The following CTNNA3 variants were observed in gnomAD, a reference collection of about 807,000 sequenced individuals.
The protein encoded by CTNNA3 is catenin alpha-3.
In CTNNA3, 76 loss-of-function variants were observed where a neutral mutation model predicts 95.7. The ratio of observed to expected loss-of-function variants is 0.79; its 90% CI spans 0.66 to 0.96. The LOEUF (loss-of-function observed/expected upper bound fraction) is 0.96, where lower values mean the gene tolerates loss of function less well. Ranked by LOEUF, CTNNA3 falls within the 40% of genes least tolerant of loss-of-function variation. The probability of loss-of-function intolerance (pLI) is 0.00; values close to 1 mark genes in which losing one functional copy is unlikely to be tolerated. For missense variants in CTNNA3, 1,191 were observed against 1,089.8 expected (o/e 1.09, Z -1.31); for synonymous variants, 431 against 374.4 (o/e 1.15, Z -1.74).
chr10:67,370,898 G>C (rs914680163), intron 5 of CTNNA3, among the ~76,000 whole-genome samples: 7 of 143,232 alleles, frequency 4.9e-5, no homozygotes, highest in African/African-American at 1.8e-4. Context: ...ACAGAGTCTC[G>C]CTCTGTCGCC....
At chr10:67,023,064 T>G (rs1853131448) in intron 7 of CTNNA3, among the ~76,000 whole-genome samples, 1 of 152,204 alleles carries the variant, frequency 6.6e-6, no homozygotes, top group Admixed American at 6.5e-5. Context: ...CTAATGTCAC[T>G]TTTCCCCAGT....
At chr10:65,981,454 A>G (rs1448593913) in intron 16 of CTNNA3, among the ~76,000 whole-genome samples, 1 of 152,020 alleles carries the variant, frequency 6.6e-6, no homozygotes, top group Non-Finnish European at 1.5e-5. Flanking sequence ...TGCAATTCCC[A>G]TCAAAATGCC....
At chr10:65,951,338 C>T (rs533488974) in intron 17 of CTNNA3, among the ~76,000 whole-genome samples, 1 of 152,090 alleles carries the variant, frequency 6.6e-6, no homozygotes, top group Non-Finnish European at 1.5e-5. Flanking sequence ...TCATCCCAAA[C>T]TTGATAGATG....
intron 9 of CTNNA3, among the ~76,000 whole-genome samples, 183 bp from the exon 10 acceptor site, chr10:66,621,967 T>C (rs569550507): frequency 6.6e-6 from 1 of 152,176 alleles, no homozygotes; most frequent in East Asian, 1.9e-4. Context: ...CAAATAACAA[T>C]AAAAGGACCT....
chr10:66,581,291 A>G (rs577657103), intron 10 of CTNNA3, among the ~76,000 whole-genome samples: 1 of 151,706 alleles, frequency 6.6e-6, no homozygotes, highest in Non-Finnish European at 1.5e-5. Flanking sequence ...CAAATGGTAG[A>G]TCTACTTTTA....
intron 11 of CTNNA3, among the ~76,000 whole-genome samples, chr10:66,413,043 A>C (rs536821192): frequency 2.0e-5 from 3 of 152,348 alleles, no homozygotes; most frequent in Admixed American, 2.0e-4. Flanking sequence ...GGAAATGCTA[A>C]TAATTCAGAG....
chr10:66,117,237 A>G (rs551607200), intron 13 of CTNNA3, among the ~76,000 whole-genome samples: 2 of 152,264 alleles, frequency 1.3e-5, no homozygotes, highest in South Asian at 2.1e-4. Context: ...TAAATTGTAT[A>G]TTTTAAATGT....
intron 7 of CTNNA3, among the ~76,000 whole-genome samples, chr10:67,088,503 T>C (rs907413969): frequency 1.3e-5 from 2 of 151,938 alleles, no homozygotes; most frequent in African/African-American, 2.4e-5. Context: ...GTGCCTGCAT[T>C]ACATAAGACT....
chr10:67,066,224 G>A (rs865904782), intron 7 of CTNNA3, among the ~76,000 whole-genome samples: 3 of 118,516 alleles, frequency 2.5e-5, no homozygotes, highest in South Asian at 2.7e-4. Context: ...AGACAGTCTT[G>A]CTCCATCGCC....
intron 11 of CTNNA3, among the ~76,000 whole-genome samples, chr10:66,414,030 C>G (rs1402377553): frequency 6.6e-6 from 1 of 152,152 alleles, no homozygotes; most frequent in African/African-American, 2.4e-5. Flanking sequence ...ACAGATATAT[C>G]TTTTAAGAGA....
intron 7 of CTNNA3, among the ~76,000 whole-genome samples, chr10:66,870,521 A>G (rs1844354461): frequency 6.6e-6 from 1 of 152,200 alleles, no homozygotes; most frequent in Non-Finnish European, 1.5e-5. Context: ...CTTATTAACT[A>G]TTCAGTCAAA....
intron 11 of CTNNA3, among the ~76,000 whole-genome samples, chr10:66,442,509 T>A (rs1475169493): frequency 1.3e-5 from 2 of 152,196 alleles, no homozygotes; most frequent in African/African-American, 2.4e-5. Flanking sequence ...GAATTCTATG[T>A]TAATAGATTA....
At chr10:67,111,582 T>TA (rs1214371315) in intron 7 of CTNNA3, among the ~76,000 whole-genome samples, 1 of 152,034 alleles carries the variant, frequency 6.6e-6, no homozygotes, top group Admixed American at 6.5e-5. Context: ...GGACAATTGC[T>TA]AAAAAAATTA....
chr10:67,089,436 G>T (rs1429162725), intron 7 of CTNNA3, among the ~76,000 whole-genome samples: 1 of 151,946 alleles, frequency 6.6e-6, no homozygotes, highest in African/African-American at 2.4e-5. Context: ...ACAGCCTGTT[G>T]TACTCACACC....
intron 9 of CTNNA3, among the ~76,000 whole-genome samples, chr10:66,629,631 T>C (rs2132339801): frequency 6.6e-6 from 1 of 152,246 alleles, no homozygotes; most frequent in East Asian, 1.9e-4. Context: ...GGTTCCCCCA[T>C]CATCACCTTT....
chr10:65,966,804 G>A, intron 16 of CTNNA3, 58 bp from the exon 17 acceptor site: 1 of 1,401,280 alleles, frequency 7.1e-7, no homozygotes, highest in Non-Finnish European at 9.9e-7. Flanking sequence ...GTTAGATCAA[G>A]GTGAGTAAAT....
intron 1 of CTNNA3, among the ~76,000 whole-genome samples, chr10:67,726,619 A>ATATATACTATAATATAG (rs1841228495): frequency 3.2e-5 from 2 of 62,986 alleles, no homozygotes; most frequent in African/African-American, 1.4e-4. Flanking sequence ...ATAATATATA[A>ATATATACTATAATATAG]TATATATTAT....
At chr10:66,587,524 G>A (rs970146121) in intron 10 of CTNNA3, among the ~76,000 whole-genome samples, 1 of 152,112 alleles carries the variant, frequency 6.6e-6, no homozygotes, top group African/African-American at 2.4e-5. Flanking sequence ...GCTAGGTCAG[G>A]CAACTCCTTG....
intron 15 of CTNNA3, among the ~76,000 whole-genome samples, chr10:66,045,739 T>TA (rs1193245273): frequency 6.6e-6 from 1 of 152,014 alleles, no homozygotes; most frequent in Non-Finnish European, 1.5e-5. Context: ...AAAATATGAG[T>TA]ATTCCTTTTT....
Sources: gnomAD v4.1 joint callset for allele counts (sites outside exome capture counted in the v4.1 genomes callset) on GRCh38, gnomAD v4.1.1 for gene constraint, MANE v1.5 for transcripts, NCBI Gene and HGNC (gene_info 2026-07-23, HGNC 2026-07-21) for gene names.